Variants in MAN1A1 observed in about 807,000 individuals in gnomAD.
MAN1A1 encodes mannosidase alpha class 1A member 1.
In MAN1A1, 29 loss-of-function variants were observed where a neutral mutation model predicts 70.8. The ratio of observed to expected loss-of-function variants is 0.41; its 90% confidence interval spans 0.31 to 0.56. The LOEUF is 0.56. Among genes scored for constraint, MAN1A1 ranks in the 20% least tolerant of loss-of-function variants. The pLI is 0.29. For synonymous variants in MAN1A1, 349 were observed against 330.1 expected, an observed-to-expected ratio of 1.06 and a Z score of -0.62; for missense variants, 747 against 841.3, an observed-to-expected ratio of 0.89 and a Z score of 1.39.
At chr6:119,328,806 G>GT (rs1222220179) in intron 2 of MAN1A1, among the ~76,000 whole-genome samples, 2 of 152,230 alleles carry the variant, frequency 1.3e-5, no homozygotes, top group Non-Finnish European at 2.9e-5. Context: ...CTCAGGGAAA[G>GT]TAAGTTTGGT....
At chr6:119,313,407 T>C (rs1772765809) in intron 2 of MAN1A1, among the ~76,000 whole-genome samples, 2 of 152,168 alleles carry the variant, frequency 1.3e-5, no homozygotes, top group East Asian at 3.8e-4. Flanking sequence ...GCCATGATAG[T>C]TTCCAATTTT....
rs564876367 is a variant in MAN1A1, at chr6:119,180,644, C to T, written c.1720-217G>A. Reference sequence around the variant, plus strand: ...TCTCCTGCCTCAGCCTCCCAAGTAGCTGGGACCACAGGCATTCGCCACCAT... The same window carrying T: ...TCTCCTGCCTCAGCCTCCCAAGTAGTTGGGACCACAGGCATTCGCCACCAT... On this transcript the variant is annotated intron_variant, in intron 11 of 12. Transcript: ENST00000368468. Among the ~76,000 whole-genome samples, 9 of 152,166 alleles carry T rather than the reference C, an allele frequency of 5.9e-5. No individual in the cohort carries two copies. In the South Asian group the frequency reaches 1.5e-3, roughly 25 times the overall value.
intron 5 of MAN1A1, among the ~76,000 whole-genome samples, chr6:119,261,276 G>C (rs1434783364): frequency 2.0e-5 from 3 of 152,098 alleles, no homozygotes; most frequent in African/African-American, 7.2e-5. Flanking sequence ...ACTGCGCCCC[G>C]CCTATTGCTT....
At chr6:119,196,352 C>T (rs955364894) in intron 8 of MAN1A1, among the ~76,000 whole-genome samples, 6 of 150,300 alleles carry the variant, frequency 4.0e-5, no homozygotes, top group Non-Finnish European at 7.4e-5. Flanking sequence ...GACAAAGGAA[C>T]GTAGAAGAGA....
intron 5 of MAN1A1, among the ~76,000 whole-genome samples, chr6:119,263,638 A>C (rs1228397722): frequency 1.3e-5 from 2 of 152,314 alleles, no homozygotes; most frequent in East Asian, 3.9e-4. Context: ...AAACCTGCAC[A>C]TGTATCTCTG....
intron 6 of MAN1A1, among the ~76,000 whole-genome samples, chr6:119,213,036 G>T (rs1211088347): frequency 6.6e-6 from 1 of 152,100 alleles, no homozygotes; most frequent in East Asian, 1.9e-4. Context: ...TGATGTCTAG[G>T]TAATCAGGAT....
intron 7 of MAN1A1, among the ~76,000 whole-genome samples, chr6:119,204,481 A>G (rs1276984635): frequency 6.6e-6 from 1 of 152,184 alleles, no homozygotes; most frequent in Non-Finnish European, 1.5e-5. Flanking sequence ...ATATTTTTAG[A>G]TAAGGAAACA....
chr6:119,348,771 C>T lies in MAN1A1; in HGVS notation c.295G>A (p.Glu99Lys). The T allele has an allele frequency of 6.9e-7, 1 of 1,458,770 alleles. No homozygotes were observed. The highest frequency in any genetic ancestry group is 9.0e-7 in the Non-Finnish European group (1 of 1,108,170). 90.4% of individuals were successfully genotyped at this position (1,458,770 alleles called of 1,614,324 possible). A position where few individuals can be genotyped will look rare whatever the true frequency, so the allele number is the denominator to read the frequency against. Reference protein sequence around the residue: ...GPGARAEDAAEGRARRREEGA... With the variant: ...GPGARAEDAAKGRARRREEGA... Reference sequence around the variant, plus strand: ...TCCTCGCGGCGCCGGGCTCGCCCCTCGGCCGCGTCCTCGGCGCGCGCCCCG... The same window carrying T: ...TCCTCGCGGCGCCGGGCTCGCCCCTTGGCCGCGTCCTCGGCGCGCGCCCCG... The change falls in exon 2 of 13, where the codon GAG becomes AAG. Residue 99 changes from glutamate to lysine, a missense_variant. Glu to Lys is a moderately conservative substitution (Grantham distance 56). Around this residue, in one of 2 missense-constraint regions of MAN1A1, gnomAD observed 328 missense variants for 293.1 expected, o/e 1.12. Coordinates refer to ENST00000368468, the MANE Select transcript of MAN1A1 (RefSeq NM_005907.4).
At chr6:119,205,873 TAATC>T (rs1322698406) in intron 6 of MAN1A1, among the ~76,000 whole-genome samples, 1 of 152,266 alleles carries the variant, frequency 6.6e-6, no homozygotes, top group Non-Finnish European at 1.5e-5. Context: ...ATGGTTATGA[TAATC>T]AATCACTTTT....
upstream of MAN1A1, chr6:119,349,911 G>C (rs898809636): frequency 9.5e-6 from 3 of 316,584 alleles, no homozygotes; most frequent in African/African-American, 2.3e-5. Flanking sequence ...GGGAGTTTAC[G>C]GGAAGCGCAG....
intron 9 of MAN1A1, among the ~76,000 whole-genome samples, chr6:119,190,261 G>A (rs192631495): frequency 1.6e-3 from 251 of 152,332 alleles, no homozygotes; most frequent in Non-Finnish European, 1.9e-3. Flanking sequence ...AGGCCCTAAG[G>A]TGGATGAAGA....
intron 2 of MAN1A1, among the ~76,000 whole-genome samples, chr6:119,310,036 A>G (rs1413295622): frequency 2.0e-5 from 3 of 152,222 alleles, no homozygotes; most frequent in Non-Finnish European, 4.4e-5. Context: ...AACATAAGAT[A>G]CTGCCTGTTT....
intron 5 of MAN1A1, among the ~76,000 whole-genome samples, chr6:119,266,414 C>T (rs1002516291): frequency 6.6e-6 from 1 of 151,894 alleles, no homozygotes; most frequent in Non-Finnish European, 1.5e-5. Flanking sequence ...AATAGAGAGC[C>T]TAGAAATTGA....
intron 6 of MAN1A1, among the ~76,000 whole-genome samples, chr6:119,238,699 T>G (rs1774922232): frequency 6.6e-6 from 1 of 152,182 alleles, no homozygotes; most frequent in East Asian, 1.9e-4. Flanking sequence ...AAACTCTCAG[T>G]AGCATCTTAA....
intron 5 of MAN1A1, among the ~76,000 whole-genome samples, chr6:119,266,163 G>A (rs1395467208): frequency 6.6e-6 from 1 of 152,110 alleles, no homozygotes; most frequent in Non-Finnish European, 1.5e-5. Flanking sequence ...TGAATACCAA[G>A]ACGTCAGTTC....
intron 2 of MAN1A1, among the ~76,000 whole-genome samples, chr6:119,333,971 G>A (rs547662014): frequency 6.6e-6 from 1 of 152,276 alleles, no homozygotes; most frequent in South Asian, 2.1e-4. Flanking sequence ...CGTAGTTAAA[G>A]CTTTAAGCAA....
Position 119,348,976 on chromosome 6 carries a change from C to T in MAN1A1, c.90G>A (p.Gly30=). 1 of 1,483,980 alleles carries T rather than the reference C, an allele frequency of 6.7e-7. No homozygotes were observed. The highest frequency in any genetic ancestry group is 8.9e-7 in the Non-Finnish European group (1 of 1,117,456). The allele number at this position is 1,483,980 out of a possible 1,614,324, so 91.9% of individuals were successfully genotyped here. A position where few individuals can be genotyped will look rare whatever the true frequency, so the allele number is the denominator to read the frequency against. Residue 30 remains glycine (G), a synonymous_variant, in exon 2 of 13, where the codon GGG becomes GGA. Transcript: ENST00000368468. ...GGLGGGGGRK[G]SGPAALRLTE... ...TCAGGCGGAGGGCGGCGGGGCCCGA[C>T]CCCTTCCTGCCACCGCCGCCGCCGA...
intron 5 of MAN1A1, among the ~76,000 whole-genome samples, chr6:119,272,565 A>G (rs1775953794): frequency 6.6e-6 from 1 of 152,208 alleles, no homozygotes. Context: ...TATAAACTTT[A>G]TTATATGCTT....
At chr6:119,184,936 T>A (rs1773247473) in intron 11 of MAN1A1, among the ~76,000 whole-genome samples, 1 of 152,182 alleles carries the variant, frequency 6.6e-6, no homozygotes, top group South Asian at 2.1e-4. Flanking sequence ...TTGCTCAGGC[T>A]GGCGTGCAGC....
Sources: allele counts gnomAD v4.1 joint callset (sites outside exome capture counted in the v4.1 genomes callset), GRCh38; gene constraint gnomAD v4.1.1; regional missense constraint gnomAD v4.1.1; transcripts MANE v1.5; gene names NCBI Gene and HGNC (gene_info 2026-07-23, HGNC 2026-07-21).